The following CHFR variants were observed in gnomAD, a reference collection of about 807,000 sequenced individuals.
CHFR encodes the protein checkpoint with forkhead and ring finger domains, also known as E3 ubiquitin-protein ligase CHFR.
A neutral mutation model predicts 87.6 loss-of-function variants in CHFR; 57 were observed. The ratio of observed to expected loss-of-function variants is 0.65; its 90% CI spans 0.53 to 0.81. The LOEUF is 0.81. CHFR is among the 30% of genes least tolerant of loss of function. The pLI, the probability that CHFR is intolerant of heterozygous loss-of-function variation, is 0.00. For missense variants in CHFR, 797 were observed against 865.8 expected, an observed-to-expected ratio of 0.92 and a Z score of 1.00; for synonymous variants, 381 against 359.2, an observed-to-expected ratio of 1.06 and a Z score of -0.69.
At chr12:132,842,957 A>G in intron 17 of CHFR, 54 bp downstream of exon 17, 1 of 1,424,734 alleles carries the variant, frequency 7.0e-7, no homozygotes, top group Non-Finnish European at 9.8e-7. Context: ...ATAAGCAGGC[A>G]GTTAACTCAT....
rs963215113 is a variant in CHFR at position 132,835,778 on chromosome 12, C to T, written c.*5776G>A. 4.7e-5 allele frequency: 15 copies of T among 322,026 alleles called. No individual in the cohort carries two copies. Among genetic ancestry groups the T allele is most frequent in the Non-Finnish European group, 9.0e-5 (15 of 166,120 alleles). The allele number at this position is 322,026 out of a possible 1,614,324, so 19.9% of individuals were successfully genotyped here. On this transcript the variant is annotated 3_prime_UTR_variant, in exon 18 of 18. Coordinates refer to ENST00000450056, the MANE Select transcript of CHFR (RefSeq NM_001161346.2). ...CATTCAAGGCCAGCACTGGGCAGGG[C>T]GGGTCTCACAAATGCATGCTCCCAG... is the stretch of plus-strand genomic sequence containing the variant.
At chr12:132,878,616 G>A (rs138447671) in intron 2 of CHFR, among the ~76,000 whole-genome samples, 22,630 of 151,666 alleles carry the variant, frequency 0.15, 1,963 homozygotes, top group Middle Eastern at 0.22. Context: ...TCAGGAGATC[G>A]AGACCATCCT....
At chr12:132,886,244 A>C (rs553572563) in intron 2 of CHFR, among the ~76,000 whole-genome samples, 1 of 152,150 alleles carries the variant, frequency 6.6e-6, no homozygotes, top group South Asian at 2.1e-4. Context: ...CGGGAGGCAG[A>C]GGGTGCAGTG....
At chr12:132,869,908 A>G in intron 5 of CHFR, 110 bp from the exon 6 acceptor site, 1 of 1,316,374 alleles carries the variant, frequency 7.6e-7, no homozygotes, top group Non-Finnish European at 1.1e-6. Flanking sequence ...AAATGCTCTT[A>G]AGAATGCAAC....
intron 7 of CHFR, 152 bp downstream of exon 7, chr12:132,861,315 G>T (rs1951204808): frequency 2.9e-6 from 2 of 694,810 alleles, no homozygotes; most frequent in African/African-American, 1.8e-5. Flanking sequence ...TTTTCTGAAT[G>T]AAAATGCCGG....
intron 6 of CHFR, among the ~76,000 whole-genome samples, chr12:132,864,489 T>C (rs575805728): frequency 6.6e-6 from 1 of 152,346 alleles, no homozygotes; most frequent in East Asian, 1.9e-4. Context: ...TATTTTTTAT[T>C]ATTTTTATTT....
chr12:132,870,921 A>G, intron 4 of CHFR, 138 bp from the exon 5 acceptor site: 2 of 531,584 alleles, frequency 3.8e-6, no homozygotes, highest in African/African-American at 1.9e-5. Flanking sequence ...CATCAGTTTA[A>G]GAGATTTCAA....
chr12:132,885,158 C>T (rs576738395), intron 2 of CHFR, among the ~76,000 whole-genome samples: 10 of 151,572 alleles, frequency 6.6e-5, no homozygotes, highest in Non-Finnish European at 1.2e-4. Context: ...GCCTGTAATC[C>T]CAGCACTTTG....
intron 6 of CHFR, among the ~76,000 whole-genome samples, chr12:132,863,433 G>A (rs1184261276): frequency 6.6e-6 from 1 of 152,004 alleles, no homozygotes; most frequent in African/African-American, 2.4e-5. Flanking sequence ...TTGAACCCAG[G>A]AGGCGGAGTT....
At chr12:132,845,516 A>G (rs1022755328) in intron 15 of CHFR, among the ~76,000 whole-genome samples, 27 of 152,102 alleles carry the variant, frequency 1.8e-4, no homozygotes, top group African/African-American at 6.0e-4. Context: ...CAGGCATGGT[A>G]GCACACGCTT....
At chr12:132,875,484 G>A (rs574965534) in intron 3 of CHFR, among the ~76,000 whole-genome samples, 6 of 152,172 alleles carry the variant, frequency 3.9e-5, no homozygotes, top group Admixed American at 1.3e-4. Context: ...TGAGCTAGGC[G>A]TGGCGGCGGG....
At chr12:132,857,706 A>G (rs1203408886) in intron 8 of CHFR, 147 bp from the exon 9 acceptor site, 1 of 711,662 alleles carries the variant, frequency 1.4e-6, no homozygotes, top group Non-Finnish European at 2.3e-6. Context: ...AGTCTTGGTT[A>G]ATGAAAAGAA....
In CHFR at chr12:132,861,013, A is replaced by G. The variant is rs1302398906; in HGVS notation, c.751+454T>C. Among the ~76,000 whole-genome samples the G allele has an allele frequency of 2.0e-5, 3 of 152,194 alleles. No homozygotes were observed. In the East Asian group the frequency reaches 5.8e-4, roughly 29 times the overall value. On this transcript the variant is annotated intron_variant, in intron 7 of 17. Coordinates refer to ENST00000450056, the MANE Select transcript of CHFR (RefSeq NM_001161346.2). ...GATGATCCGTCCACCTTGGCCTCCCAAAGTGCTGAGATTATAGGCGGGAGC... is the reference window on the plus strand; with the variant it reads ...GATGATCCGTCCACCTTGGCCTCCCGAAGTGCTGAGATTATAGGCGGGAGC...
Position 132,859,132 on chromosome 12 carries a change from G to C in CHFR, c.847C>G (p.Pro283Ala). ...GTCAGCGTCTCCTCCATCTTGTCTG[G>C]CTTCCCAGCCGCTGCTCTGACGTCC... is the stretch of plus-strand genomic sequence containing the variant. The part of the protein sequence containing the change: ...HEDVRAAAGK[P>A]DKMEETLTCI... Residue 283 changes from proline to alanine, a missense_variant, in exon 8 of 18, where the codon CCA becomes GCA. Transcript: ENST00000450056. The C allele has an allele frequency of 6.2e-7, 1 of 1,614,116 alleles. No individual in the cohort carries two copies. The highest frequency in any genetic ancestry group is 8.5e-7 in the Non-Finnish European group (1 of 1,180,002).
At chr12:132,882,204 C>T (rs182465400) in intron 2 of CHFR, among the ~76,000 whole-genome samples, 134 of 152,310 alleles carry the variant, frequency 8.8e-4, no homozygotes, top group Non-Finnish European at 1.4e-3. Flanking sequence ...GAACACTACC[C>T]GGTAACAGAA....
chr12:132,853,318 G>A, intron 11 of CHFR, 113 bp downstream of exon 11: 3 of 1,170,060 alleles, frequency 2.6e-6, no homozygotes, highest in Non-Finnish European at 2.3e-6. Context: ...GCCCAAAGGG[G>A]GCGAGCAGTG....
At chr12:132,865,653 C>CT (rs57560560) in intron 6 of CHFR, among the ~76,000 whole-genome samples, 10,219 of 58,134 alleles carry the variant, frequency 0.18, 1,171 homozygotes, top group Non-Finnish European at 0.22. Context: ...GATTACAGGT[C>CT]TTTTTTTTTT....
At chr12:132,845,473 T>G in intron 15 of CHFR, among the ~76,000 whole-genome samples, 1 of 136,812 alleles carries the variant, frequency 7.3e-6, no homozygotes, top group Non-Finnish European at 1.6e-5. Flanking sequence ...AAAAAATAAA[T>G]AAATAAATAA....
rs1192192470 is a variant in CHFR at position 132,847,031 on chromosome 12, A to G, written c.1735+12T>C. 2.3e-5 allele frequency: 37 copies of G among 1,604,124 alleles called. No individual in the cohort carries two copies. The highest frequency in any genetic ancestry group is 3.0e-5 in the Non-Finnish European group (35 of 1,171,480). On this transcript the variant is annotated intron_variant, in intron 15 of 17. Transcript: ENST00000450056. ...CATGCGCCTTAGAGCAGGAGGCAAC[A>G]GAAGAACTCACCAGACAGCAGAAAC...
Sources: gnomAD v4.1 joint callset for allele counts (sites outside exome capture counted in the v4.1 genomes callset) on GRCh38, gnomAD v4.1.1 for gene constraint, MANE v1.5 for transcripts, NCBI Gene and HGNC (gene_info 2026-07-23, HGNC 2026-07-21) for gene names.